The following LRRTM4 variants were observed in gnomAD, a reference collection of about 807,000 sequenced individuals.
The protein encoded by LRRTM4 is leucine rich repeat transmembrane neuronal 4, also known as leucine-rich repeat transmembrane neuronal protein 4.
In LRRTM4, 25 loss-of-function variants were observed where a neutral mutation model predicts 47.6. The ratio of observed to expected loss-of-function variants is 0.53; its 90% confidence interval spans 0.38 to 0.73. The LOEUF is 0.73. LRRTM4 is among the 30% of genes least tolerant of loss of function. The pLI is 0.00. For synonymous variants in LRRTM4, 311 were observed against 269.5 expected (o/e 1.15, Z -1.51); for missense variants, 638 against 713.4 (o/e 0.89, Z 1.20).
intron 3 of LRRTM4, among the ~76,000 whole-genome samples, chr2:76,867,172 CAT>C (rs1448519358): frequency 6.6e-6 from 1 of 152,102 alleles, no homozygotes; most frequent in Non-Finnish European, 1.5e-5. Context: ...CACCATGACA[CAT>C]ATATACTTAT....
intron 3 of LRRTM4, among the ~76,000 whole-genome samples, chr2:77,037,585 A>C (rs1381069077): frequency 6.6e-6 from 1 of 151,772 alleles, no homozygotes; most frequent in African/African-American, 2.4e-5. Context: ...CATTTCACTT[A>C]ACACATTGTG....
chr2:77,484,209 C>T (rs1487297410), intron 3 of LRRTM4, among the ~76,000 whole-genome samples: 1 of 152,172 alleles, frequency 6.6e-6, no homozygotes, highest in Non-Finnish European at 1.5e-5. Flanking sequence ...GAGTTTGTGG[C>T]CACTGGGTAA....
chr2:77,248,667 G>A (rs1198369970), intron 3 of LRRTM4, among the ~76,000 whole-genome samples: 2 of 152,018 alleles, frequency 1.3e-5, no homozygotes, highest in African/African-American at 2.4e-5. Context: ...TATAGCAATC[G>A]TGACAGTATG....
intron 3 of LRRTM4, among the ~76,000 whole-genome samples, chr2:77,102,376 C>T (rs1048715795): frequency 6.6e-6 from 1 of 152,174 alleles, no homozygotes; most frequent in Non-Finnish European, 1.5e-5. Context: ...ATTCCCACTT[C>T]GGCTGCTTCC....
intron 3 of LRRTM4, among the ~76,000 whole-genome samples, chr2:77,219,604 C>T (rs1251317187): frequency 6.6e-6 from 1 of 152,162 alleles, no homozygotes; most frequent in African/African-American, 2.4e-5. Context: ...TTGGGAAGAC[C>T]TTTACCACAG....
In LRRTM4 at chr2:76,968,340, GTATATATATATATATATATATA is replaced by G. The variant is rs61103340; in HGVS notation, c.1552-219446_1552-219425del. Among the ~76,000 whole-genome samples the G allele has an allele frequency of 6.4e-3, 490 of 76,644 alleles. 14 individuals carry two copies. Among genetic ancestry groups the G allele is most frequent in the Middle Eastern group, 0.019 (2 of 104 alleles). The allele number at this position is 76,644 out of a possible 152,430, so 50.3% of individuals were successfully genotyped here. On this transcript the variant is annotated intron_variant, in intron 3 of 3. Coordinates refer to ENST00000409884, the MANE Select transcript of LRRTM4 (RefSeq NM_001134745.3). ...TGTAAATACAAAAGTGTGTATGTGT[GTATATATATATATATATATATA>G]TATATATATATATATATATATACAC... is the stretch of plus-strand genomic sequence containing the variant.
chr2:76,885,327 C>G (rs1234242229), intron 3 of LRRTM4, among the ~76,000 whole-genome samples: 3 of 151,982 alleles, frequency 2.0e-5, no homozygotes, highest in African/African-American at 2.4e-5. Context: ...GACTGGGACC[C>G]TATCTTACTT....
intron 3 of LRRTM4, among the ~76,000 whole-genome samples, chr2:77,510,879 G>T (rs536308339): frequency 6.6e-6 from 1 of 152,018 alleles, no homozygotes; most frequent in East Asian, 1.9e-4. Context: ...GTTACTCTAC[G>T]TCTGACCATT....
chr2:77,017,787 T>G (rs1383323454), intron 3 of LRRTM4, among the ~76,000 whole-genome samples: 3 of 143,552 alleles, frequency 2.1e-5, no homozygotes, highest in Non-Finnish European at 1.5e-5. Context: ...TCTCCTAACT[T>G]TATTTGATTA....
intron 3 of LRRTM4, among the ~76,000 whole-genome samples, chr2:77,148,293 A>G (rs1236399882): frequency 1.3e-5 from 2 of 152,182 alleles, no homozygotes; most frequent in African/African-American, 4.8e-5. Context: ...GATTTGGCAT[A>G]TCTTAAAATG....
At chr2:76,877,995 T>A (rs991367310) in intron 3 of LRRTM4, among the ~76,000 whole-genome samples, 8 of 152,300 alleles carry the variant, frequency 5.3e-5, no homozygotes, top group Non-Finnish European at 8.8e-5. Context: ...TTTTAATACA[T>A]TGAAGATTGG....
intron 3 of LRRTM4, among the ~76,000 whole-genome samples, chr2:77,331,538 G>T (rs567335035): frequency 6.6e-6 from 1 of 152,300 alleles, no homozygotes; most frequent in East Asian, 1.9e-4. Context: ...CCTTGGAAGA[G>T]ATAGGACACA....
intron 3 of LRRTM4, among the ~76,000 whole-genome samples, chr2:76,997,804 C>T (rs62171962): frequency 0.36 from 55,346 of 151,676 alleles, 11,620 homozygotes; most frequent in East Asian, 0.57. Context: ...GTATCTACAG[C>T]TGCTCCCTAT....
chr2:76,779,623 C>T (rs1408478708), intron 3 of LRRTM4, among the ~76,000 whole-genome samples: 2 of 151,072 alleles, frequency 1.3e-5, no homozygotes, highest in Non-Finnish European at 3.0e-5. Flanking sequence ...GGTAGATCTT[C>T]CTCCATCCTT....
chr2:77,014,940 A>G (rs1009321380), intron 3 of LRRTM4, among the ~76,000 whole-genome samples: 4 of 152,140 alleles, frequency 2.6e-5, no homozygotes, highest in African/African-American at 9.7e-5. Flanking sequence ...TGATGTGTCA[A>G]CTTGGCTAGC....
At chr2:77,063,127 G>A (rs565568440) in intron 3 of LRRTM4, among the ~76,000 whole-genome samples, 3 of 131,560 alleles carry the variant, frequency 2.3e-5, no homozygotes, top group African/African-American at 1.2e-4. Flanking sequence ...GCTAATCTTT[G>A]TATTTTTTTT....
At chr2:76,786,769 A>G (rs1311726888) in intron 3 of LRRTM4, among the ~76,000 whole-genome samples, 1 of 152,100 alleles carries the variant, frequency 6.6e-6, no homozygotes, top group African/African-American at 2.4e-5. Context: ...AAAAAAATGC[A>G]TCATTTTCTT....
intron 3 of LRRTM4, among the ~76,000 whole-genome samples, chr2:76,757,316 A>G (rs1558634547): frequency 6.6e-6 from 1 of 152,154 alleles, no homozygotes; most frequent in African/African-American, 2.4e-5. Flanking sequence ...CAGTTATCCA[A>G]ATTTTAACTT....
chr2:76,926,924 C>T (rs75446370), intron 3 of LRRTM4, among the ~76,000 whole-genome samples: 1,605 of 152,250 alleles, frequency 0.011, 44 homozygotes, highest in African/African-American at 0.037. Flanking sequence ...AAACACGAAA[C>T]ATCCTCCTCG....
Sources: gnomAD v4.1 joint callset for allele counts (sites outside exome capture counted in the v4.1 genomes callset) on GRCh38, gnomAD v4.1.1 for gene constraint, MANE v1.5 for transcripts, NCBI Gene and HGNC (gene_info 2026-07-23, HGNC 2026-07-21) for gene names.